Variants in ZNF503 observed in about 807,000 individuals in gnomAD.
ZNF503 encodes the protein NocA-like zinc finger 2.
A neutral mutation model predicts 34.4 loss-of-function variants in ZNF503; 15 were observed. The ratio of observed to expected loss-of-function variants is 0.44; its 90% CI spans 0.29 to 0.67. The LOEUF (loss-of-function observed/expected upper bound fraction) is 0.67. ZNF503 is among the 30% of genes least tolerant of loss of function. The pLI is 0.13. For synonymous variants in ZNF503, 580 were observed against 456.8 expected, an observed-to-expected ratio of 1.27 and a Z score of -3.44; for missense variants, 1,007 against 926.8, an observed-to-expected ratio of 1.09 and a Z score of -1.12.
chr10:75,329,589 C>T, the ZNF503 span, among the ~76,000 whole-genome samples: 6 of 152,028 alleles, frequency 3.9e-5, no homozygotes, highest in Non-Finnish European at 8.8e-5. Context: ...CGTCAGCTTC[C>T]CAAGTAGCTG....
chr10:75,333,358 C>T, the ZNF503 span, among the ~76,000 whole-genome samples: 130 of 36,460 alleles, frequency 3.6e-3, no homozygotes, highest in African/African-American at 0.018. Context: ...TAGGGGCGGC[C>T]GGGCAGAGGC....
At chr10:75,349,142 AATGTAAC>A in the ZNF503 span, among the ~76,000 whole-genome samples, 1 of 152,354 alleles carries the variant, frequency 6.6e-6, no homozygotes, top group Non-Finnish European at 1.5e-5. Context: ...ACCTTGCTAC[AATGTAAC>A]ATAAGTTTAT....
chr10:75,336,597 G>A, the ZNF503 span, among the ~76,000 whole-genome samples: 2 of 152,122 alleles, frequency 1.3e-5, no homozygotes, highest in African/African-American at 2.4e-5. Context: ...AAACAACACC[G>A]GTTTATTATG....
the ZNF503 span, among the ~76,000 whole-genome samples, chr10:75,293,096 C>T: frequency 9.2e-5 from 14 of 152,288 alleles, no homozygotes; most frequent in Middle Eastern, 3.4e-3. Context: ...AGTATAAACA[C>T]GGCTTCCGAG....
chr10:75,388,510 C>T, the ZNF503 span, among the ~76,000 whole-genome samples: 3 of 152,332 alleles, frequency 2.0e-5, no homozygotes, highest in East Asian at 5.8e-4. Context: ...ATAAAGGTCA[C>T]TATGCAGTGT....
At chr10:75,365,074 G>A in the ZNF503 span, among the ~76,000 whole-genome samples, 1 of 152,210 alleles carries the variant, frequency 6.6e-6, no homozygotes, top group Non-Finnish European at 1.5e-5. Context: ...CCCAGAACCT[G>A]GAAGGAAGGA....
the ZNF503 span, among the ~76,000 whole-genome samples, chr10:75,344,972 TGAA>T: frequency 6.6e-6 from 1 of 152,210 alleles, no homozygotes; most frequent in Non-Finnish European, 1.5e-5. Flanking sequence ...ACCCATGTCA[TGAA>T]GAAAGTTTCA....
chr10:75,329,341 C>G, the ZNF503 span, among the ~76,000 whole-genome samples: 1 of 150,304 alleles, frequency 6.7e-6, no homozygotes, highest in Non-Finnish European at 1.5e-5. Context: ...TTTCTTTTTT[C>G]TCTTTTTCAT....
At chr10:75,303,929 G>A in the ZNF503 span, among the ~76,000 whole-genome samples, 2 of 151,614 alleles carry the variant, frequency 1.3e-5, no homozygotes, top group Non-Finnish European at 2.9e-5. Flanking sequence ...TGCCTCCTGG[G>A]TTCAACCAAT....
chr10:75,382,547 G>C, the ZNF503 span: 3 of 531,128 alleles, frequency 5.6e-6, no homozygotes, highest in Non-Finnish European at 1.0e-5. Flanking sequence ...GATGGTGACT[G>C]GTGTCTCTTT....
chr10:75,336,854 T>C, the ZNF503 span, among the ~76,000 whole-genome samples: 1 of 152,206 alleles, frequency 6.6e-6, no homozygotes, highest in Admixed American at 6.5e-5. Context: ...GATCCTTCCA[T>C]GTGGCCCCCT....
At chr10:75,324,737 T>A in the ZNF503 span, among the ~76,000 whole-genome samples, 2 of 152,248 alleles carry the variant, frequency 1.3e-5, no homozygotes, top group Non-Finnish European at 2.9e-5. Flanking sequence ...TGATCTTTAG[T>A]ATATTCACAA....
At chr10:75,392,467 C>G in the ZNF503 span, among the ~76,000 whole-genome samples, 1 of 152,114 alleles carries the variant, frequency 6.6e-6, no homozygotes, top group Non-Finnish European at 1.5e-5. Context: ...ATCTAGAGGG[C>G]TTCCTGGAAG....
Position 75,399,895 on chromosome 10 carries a change from C to A in ZNF503, c.795G>T (p.Lys265Asn). The A allele has an allele frequency of 6.2e-7, 1 of 1,602,632 alleles. No homozygotes were observed. The highest frequency in any genetic ancestry group is 1.7e-5 in the Admixed American group (1 of 59,398). Residue 265 changes from lysine to asparagine, a missense_variant, in exon 2 of 2, where the codon AAG becomes AAT. Physicochemically the swap from Lys to Asn is moderately conservative, Grantham distance 94. Coordinates refer to ENST00000372524, the MANE Select transcript of ZNF503 (RefSeq NM_032772.6). Reference protein sequence around the residue: ...KKDTDVGGGGKGTGGASAEGG... With the variant: ...KKDTDVGGGGNGTGGASAEGG... ...CTTCGGCCGAGGCGCCCCCGGTGCC[C>A]TTGCCACCGCCGCCCACGTCGGTGT...
At chr10:75,323,866 G>T in the ZNF503 span, among the ~76,000 whole-genome samples, 1 of 151,872 alleles carries the variant, frequency 6.6e-6, no homozygotes, top group African/African-American at 2.4e-5. Context: ...GCCGGGCATG[G>T]TGGTGTGCAC....
At chr10:75,340,853 G>A in the ZNF503 span, among the ~76,000 whole-genome samples, 1 of 151,944 alleles carries the variant, frequency 6.6e-6, no homozygotes, top group Non-Finnish European at 1.5e-5. Context: ...CACCCACCTC[G>A]GCCTCCCAAA....
the ZNF503 span, among the ~76,000 whole-genome samples, chr10:75,283,573 G>T: frequency 6.6e-6 from 1 of 152,066 alleles, no homozygotes; most frequent in African/African-American, 2.4e-5. Context: ...CGAGGGGGGA[G>T]ACAGAGTGCA....
At chr10:75,347,632 C>T in the ZNF503 span, among the ~76,000 whole-genome samples, 3 of 152,230 alleles carry the variant, frequency 2.0e-5, no homozygotes, top group Non-Finnish European at 4.4e-5. Flanking sequence ...TTCTCTCCCT[C>T]GGAGCCTGTC....
Position 75,400,154 on chromosome 10 carries a change from G to A in ZNF503, c.536C>T (p.Ser179Phe), listed in dbSNP as rs1167322651. The A allele has an allele frequency of 3.2e-6, 5 of 1,561,562 alleles. No individual in the cohort carries two copies. Among genetic ancestry groups the A allele is most frequent in the Non-Finnish European group, 4.3e-6 (5 of 1,153,534 alleles). The change falls in exon 2 of 2, where the codon TCC becomes TTC. Residue 179 changes from serine (S) to phenylalanine (F), a missense_variant. Coordinates refer to ENST00000372524, the MANE Select transcript of ZNF503 (RefSeq NM_032772.6). Reference protein sequence around the residue: ...VEDKSSFKPYSKPGSDKKEPG... With the variant: ...VEDKSSFKPYFKPGSDKKEPG... ...CTCCTTCTTATCCGAGCCGGGTTTGGAGTACGGCTTGAAACTCGACTTGTC... is the reference window on the plus strand; with the variant it reads ...CTCCTTCTTATCCGAGCCGGGTTTGAAGTACGGCTTGAAACTCGACTTGTC...
Sources: allele counts gnomAD v4.1 joint callset (sites outside exome capture counted in the v4.1 genomes callset), GRCh38; gene constraint gnomAD v4.1.1; transcripts MANE v1.5; gene names NCBI Gene and HGNC (gene_info 2026-07-23, HGNC 2026-07-21).